Variants in ZNF549 observed in about 807,000 individuals in gnomAD.
ZNF549 encodes zinc finger protein 549.
Under a neutral mutation model 11.1 loss-of-function variants are expected in ZNF549, and 11 were observed. The ratio of observed to expected loss-of-function variants is 0.99; its 90% CI spans 0.62 to 1.64. The LOEUF is 1.64. Among genes scored for constraint, ZNF549 ranks in the 40% most tolerant of loss-of-function variants. The probability of loss-of-function intolerance (pLI) is 0.00; values close to 1 mark genes in which losing one functional copy is unlikely to be tolerated. For synonymous variants in ZNF549, 266 were observed against 269.1 expected (o/e 0.99, Z 0.11); for missense variants, 748 against 765.1 (o/e 0.98, Z 0.26).
At chr19:57,535,005 A>T in intron 2 of ZNF549, 139 bp from the exon 3 acceptor site, 1 of 1,083,782 alleles carries the variant, frequency 9.2e-7, no homozygotes, top group Non-Finnish European at 1.3e-6. Flanking sequence ...AGATTCCATG[A>T]TGTAAGGCCC....
intron 2 of ZNF549, among the ~76,000 whole-genome samples, chr19:57,532,218 ATG>A (rs2089907213): frequency 6.6e-6 from 1 of 152,128 alleles, no homozygotes. Flanking sequence ...ATTTATTAAG[ATG>A]TGTTTTATAA....
chr19:57,527,488 C>G lies in ZNF549; in HGVS notation c.-86C>G, dbSNP rs2089882575. On this transcript the variant is annotated 5_prime_UTR_variant, in exon 1 of 4. Transcript: ENST00000376233. ...GGAGCTTGCCTGGTCTCGGTCTGAG[C>G]GTCGCCCAGCGATTTGCCACCGCAC... is the stretch of plus-strand genomic sequence containing the variant. 1 of 1,571,768 alleles carries G rather than the reference C, an allele frequency of 6.4e-7. No individual in the cohort carries two copies. The highest frequency in any genetic ancestry group is 1.7e-5 in the Admixed American group (1 of 58,478).
In ZNF549 at chr19:57,537,741, C is replaced by G. The variant is rs145644670; in HGVS notation, c.737C>G (p.Ala246Gly). Residue 246 changes from alanine (A) to glycine (G), a missense_variant, in exon 4 of 4, where the codon GCT (alanine) becomes GGT (glycine). Coordinates refer to ENST00000376233, the MANE Select transcript of ZNF549 (RefSeq NM_001199295.2). ...CAGAGAGTCCACACTGGAGAAAAAG[C>G]TTATAAGCGTAGGGAATATGGGAAA... ...EHQRVHTGEK[A>G]YKRREYGKSL... The G allele has an allele frequency of 6.2e-7, 1 of 1,614,164 alleles. No individual in the cohort carries two copies. The highest frequency in any genetic ancestry group is 1.7e-5 in the Admixed American group (1 of 60,022).
At chr19:57,532,250 G>A (rs548107109) in intron 2 of ZNF549, among the ~76,000 whole-genome samples, 1 of 152,264 alleles carries the variant, frequency 6.6e-6, no homozygotes, top group African/African-American at 2.4e-5. Flanking sequence ...GTAAACTGGG[G>A]AGTAAATGCC....
chr19:57,538,903 G>A lies in ZNF549; in HGVS notation c.1899G>A (p.Lys633=). The change falls in exon 4 of 4, where the codon AAG becomes AAA. Residue 633 remains lysine, a synonymous_variant. Coordinates refer to ENST00000376233, the MANE Select transcript of ZNF549 (RefSeq NM_001199295.2). The stretch of plus-strand genomic sequence containing the variant: ...GATATTCCCTTGTCAGGCACCAGAA[G>A]GTACATATAACAGAAGAGCCCTAGC... ...NKRYSLVRHQ[K]VHITEEP 5 of 1,604,864 alleles carry A rather than the reference G, an allele frequency of 3.1e-6. No homozygotes were observed. The highest frequency in any genetic ancestry group is 4.2e-6 in the Non-Finnish European group (5 of 1,179,656).
At chr19:57,528,270 G>T (rs1288352169) in intron 1 of ZNF549, among the ~76,000 whole-genome samples, 1 of 152,174 alleles carries the variant, frequency 6.6e-6, no homozygotes, top group Non-Finnish European at 1.5e-5. Context: ...TGGAAGAGTT[G>T]ACAAAGAAAT....
intron 1 of ZNF549, among the ~76,000 whole-genome samples, chr19:57,530,127 C>G (rs1025302224): frequency 2.6e-5 from 4 of 152,068 alleles, no homozygotes; most frequent in Non-Finnish European, 4.4e-5. Context: ...GGTGAGCAGA[C>G]AAGGTGGAGT....
intron 3 of ZNF549, among the ~76,000 whole-genome samples, chr19:57,536,173 T>C (rs2089923755): frequency 6.6e-6 from 1 of 152,176 alleles, no homozygotes; most frequent in Admixed American, 6.5e-5. Flanking sequence ...TATTTAATAT[T>C]ATGAGCTGTG....
At chr19:57,527,906 C>A (rs1426904899) in intron 1 of ZNF549, among the ~76,000 whole-genome samples, 1 of 152,154 alleles carries the variant, frequency 6.6e-6, no homozygotes, top group Non-Finnish European at 1.5e-5. Flanking sequence ...GCAGCCTGAG[C>A]AACCGGGGTT....
Position 57,529,479 on chromosome 19 carries a change from A to G in ZNF549, c.34-1591A>G, listed in dbSNP as rs575170909. On this transcript the variant is annotated intron_variant, in intron 1 of 3. Transcript: ENST00000376233. ...GAGACAATAAAAAAGCAAAAGTTAA[A>G]TTATAAAAAACATGTGAATGTGGTA... 1.3e-3 allele frequency among the ~76,000 whole-genome samples: 198 copies of G among 152,356 alleles called. 2 individuals are homozygous for G. The highest frequency in any genetic ancestry group is 4.6e-3 in the African/African-American group (191 of 41,574).
chr19:57,527,758 G>A (rs2089885100), intron 1 of ZNF549, 152 bp downstream of exon 1: 2 of 1,007,080 alleles, frequency 2.0e-6, no homozygotes, highest in Admixed American at 2.5e-5. Context: ...GTGAAGAAGG[G>A]AGAGCGTTGC....
chr19:57,539,341 T>G lies in ZNF549; in HGVS notation c.*414T>G, dbSNP rs2089944744. ...TGTAGCCCATGGAGGTTTACCTTCT[T>G]CATAGGTTTTTTTTTTTTTTATGTG... On this transcript the variant is annotated 3_prime_UTR_variant, in exon 4 of 4. Transcript: ENST00000376233. 6.3e-6 allele frequency: 1 copy of G among 159,488 alleles called. No homozygotes were observed. Among genetic ancestry groups the G allele is most frequent in the African/African-American group, 2.4e-5 (1 of 41,026 alleles). The allele number at this position is 159,488 out of a possible 1,614,324, so 9.9% of individuals were successfully genotyped here.
At chr19:57,529,612 C>T (rs966603628) in intron 1 of ZNF549, among the ~76,000 whole-genome samples, 2 of 152,160 alleles carry the variant, frequency 1.3e-5, no homozygotes, top group African/African-American at 2.4e-5. Flanking sequence ...TGTTGGCCAG[C>T]GCAGTGGCTC....
intron 3 of ZNF549, among the ~76,000 whole-genome samples, chr19:57,535,562 G>A (rs986565714): frequency 6.6e-6 from 1 of 152,122 alleles, no homozygotes; most frequent in East Asian, 1.9e-4. Flanking sequence ...GTTCTGTGGT[G>A]GACCTGTGTT....
intron 2 of ZNF549, 68 bp from the exon 3 acceptor site, chr19:57,535,076 G>A: frequency 1.9e-6 from 3 of 1,582,380 alleles, no homozygotes; most frequent in Non-Finnish European, 2.6e-6. Context: ...GAACTAGGGA[G>A]GAGCGAGATT....
rs777475504 is a variant in ZNF549 at position 57,537,577 on chromosome 19, T to C, written c.573T>C (p.Phe191=). ...LFPCKDVEKD[F]PTILGLLQHQ... ...CATGCAAAGATGTTGAGAAGGATTT[T>C]CCAACCATCCTGGGCCTTCTCCAAC... is the stretch of plus-strand genomic sequence containing the variant. Residue 191 remains phenylalanine (F), a synonymous_variant, in exon 4 of 4, where the codon TTT becomes TTC. Coordinates refer to ENST00000376233, the MANE Select transcript of ZNF549 (RefSeq NM_001199295.2). 1 of 1,614,158 alleles carries C rather than the reference T, an allele frequency of 6.2e-7. No individual in the cohort carries two copies. The highest frequency in any genetic ancestry group is 1.1e-5 in the South Asian group (1 of 91,076).
Position 57,539,073 on chromosome 19 carries a change from G to A in ZNF549, c.*146G>A. On this transcript the variant is annotated 3_prime_UTR_variant, in exon 4 of 4. Transcript: ENST00000376233. ...ACTACAAGGTCCAAGTACTTGGGAA[G>A]CTTTCTAGAGATTACTTGTACTTTC... 2.2e-6 allele frequency: 2 copies of A among 892,822 alleles called. No individual in the cohort carries two copies. The highest frequency in any genetic ancestry group is 3.3e-6 in the Non-Finnish European group (2 of 600,496). The allele number at this position is 892,822 out of a possible 1,614,324, so 55.3% of individuals were successfully genotyped here. A position where few individuals can be genotyped will look rare whatever the true frequency, so the allele number is the denominator to read the frequency against.
Position 57,527,543 on chromosome 19 carries a change from C to T in ZNF549, c.-31C>T, listed in dbSNP as rs754918743. 2 of 1,612,992 alleles carry T rather than the reference C, an allele frequency of 1.2e-6. No homozygotes were observed. Among genetic ancestry groups the T allele is most frequent in the East Asian group, 2.2e-5 (1 of 44,854 alleles). On this transcript the variant is annotated 5_prime_UTR_variant, in exon 1 of 4. Coordinates refer to ENST00000376233, the MANE Select transcript of ZNF549 (RefSeq NM_001199295.2). ...GCCGGATCCCGGGCTTTACCGCCCG[C>T]CTTTCCAGGCCCCGCCCCGCCTAAA... is the stretch of plus-strand genomic sequence containing the variant.
intron 3 of ZNF549, among the ~76,000 whole-genome samples, chr19:57,536,381 C>T (rs2089924605): frequency 6.6e-6 from 1 of 152,168 alleles, no homozygotes; most frequent in Non-Finnish European, 1.5e-5. Flanking sequence ...ACCACTGCAT[C>T]ACAAGAGTAT....
Sources: allele counts gnomAD v4.1 joint callset (sites outside exome capture counted in the v4.1 genomes callset), GRCh38; gene constraint gnomAD v4.1.1; transcripts MANE v1.5; gene names NCBI Gene and HGNC (gene_info 2026-07-23, HGNC 2026-07-21).